Variants in KCNK2 observed in about 807,000 individuals in gnomAD.
KCNK2 encodes the protein potassium two pore domain channel subfamily K member 2, also known as potassium channel subfamily K member 2.
KCNK2 carries 21 observed loss-of-function variants against 40.5 expected under a neutral mutation model. The observed-to-expected ratio is 0.52, with a 90% CI of 0.37 to 0.75. KCNK2 has a LOEUF of 0.75. KCNK2 is among the 30% of genes least tolerant of loss of function. The pLI is 0.00. For synonymous variants in KCNK2, 191 were observed against 202.2 expected, an observed-to-expected ratio of 0.94 and a Z score of 0.47; for missense variants, 399 against 531.6, an observed-to-expected ratio of 0.75 and a Z score of 2.45.
chr1:215,157,587 T>A lies in KCNK2; in HGVS notation c.476-11612T>A, dbSNP rs559832255. 1.4e-4 allele frequency among the ~76,000 whole-genome samples: 21 copies of A among 152,358 alleles called. No homozygotes were observed. The South Asian group carries it at 3.7e-3, about 27-fold the overall frequency. ...TTCCTCAAGGGAAACATTTTGAGTA[T>A]GAATACCTTATTTTAAGAGTTAAAA... is the stretch of plus-strand genomic sequence containing the variant. On this transcript the variant is annotated intron_variant, in intron 3 of 6. Coordinates refer to ENST00000444842, the MANE Select transcript of KCNK2 (RefSeq NM_001017425.3).
chr1:215,172,238 T>G, intron 5 of KCNK2, 55 bp downstream of exon 5: 1 of 1,466,560 alleles, frequency 6.8e-7, no homozygotes, highest in South Asian at 1.3e-5. Flanking sequence ...ATTAGATAGA[T>G]TTTTCACTTA....
At chr1:215,187,549 A>AC (rs61344574) in intron 5 of KCNK2, among the ~76,000 whole-genome samples, 2,222 of 151,832 alleles carry the variant, frequency 0.015, 68 homozygotes, top group African/African-American at 0.051. Context: ...TAAAAAAAAA[A>AC]CACATAAAGT....
intron 1 of KCNK2, among the ~76,000 whole-genome samples, chr1:215,042,820 AT>A (rs1392887395): frequency 6.6e-6 from 1 of 152,066 alleles, no homozygotes; most frequent in Non-Finnish European, 1.5e-5. Flanking sequence ...CCTCCAGAAA[AT>A]TTTTTGCAAA....
At chr1:215,138,437 T>C (rs900753370) in intron 3 of KCNK2, among the ~76,000 whole-genome samples, 3 of 152,088 alleles carry the variant, frequency 2.0e-5, no homozygotes, top group Non-Finnish European at 2.9e-5. Flanking sequence ...ATCACTATAT[T>C]TTTAGAGGAA....
intron 1 of KCNK2, among the ~76,000 whole-genome samples, chr1:215,010,896 GTA>G (rs1656359800): frequency 7.4e-6 from 1 of 136,002 alleles, no homozygotes; most frequent in Non-Finnish European, 1.6e-5. Context: ...GTGTGTGTGT[GTA>G]TGTGTGTGTA....
chr1:215,021,537 C>CTTTT lies in KCNK2; in HGVS notation c.34+15605_34+15608dup, dbSNP rs538476962. Among the ~76,000 whole-genome samples, 159 of 96,330 alleles carry CTTTT rather than the reference C, an allele frequency of 1.7e-3. 17 individuals carry two copies. The highest frequency in any genetic ancestry group is 6.6e-3 in the African/African-American group (148 of 22,562). The allele number at this position is 96,330 out of a possible 152,430, so 63.2% of individuals were successfully genotyped here. On this transcript the variant is annotated intron_variant, in intron 1 of 6. Coordinates refer to the KCNK2 transcript ENST00000391895. ...TCTCTTCTGGAGCTGGGACAACCAT[C>CTTTT]TTTTTTTTTTTTTTTTTTTTTTTTT...
At chr1:215,026,806 G>T (rs1348173048) in intron 1 of KCNK2, among the ~76,000 whole-genome samples, 1 of 152,024 alleles carries the variant, frequency 6.6e-6, no homozygotes, top group East Asian at 1.9e-4. Flanking sequence ...TATTGAGAAT[G>T]ACATCATGTG....
In KCNK2 at chr1:215,235,555, A is replaced by AT. The variant is rs3838998; in HGVS notation, c.*420dup. ...TATGGACCATTTATGGATGACAACA[A>AT]TTTTTTTTTTGTAAATGACAAGAAA... is the stretch of plus-strand genomic sequence containing the variant. On this transcript the variant is annotated 3_prime_UTR_variant, in exon 7 of 7. Transcript: ENST00000444842. 28,329 of 153,902 alleles carry AT rather than the reference A, an allele frequency of 0.18. 3,061 individuals carry two copies. Among genetic ancestry groups the AT allele is most frequent in the South Asian group, 0.46 (2,212 of 4,840 alleles). The allele number at this position is 153,902 out of a possible 1,614,324, so 9.5% of individuals were successfully genotyped here. A position where few individuals can be genotyped will look rare whatever the true frequency, so the allele number is the denominator to read the frequency against.
intron 1 of KCNK2, among the ~76,000 whole-genome samples, chr1:215,071,325 G>T (rs150275914): frequency 6.6e-6 from 1 of 152,198 alleles, no homozygotes; most frequent in Non-Finnish European, 1.5e-5. Context: ...AGAGGGGTTT[G>T]CAGGGATGAT....
At chr1:215,035,647 A>T (rs1657358947) in intron 1 of KCNK2, among the ~76,000 whole-genome samples, 1 of 152,076 alleles carries the variant, frequency 6.6e-6, no homozygotes. Context: ...CACCTGTTGA[A>T]TGAAATCTTC....
intron 1 of KCNK2, among the ~76,000 whole-genome samples, chr1:215,044,150 A>G (rs967102589): frequency 1.3e-5 from 2 of 152,222 alleles, no homozygotes; most frequent in Non-Finnish European, 2.9e-5. Context: ...GAAAAGAACC[A>G]TATACTTTAA....
At chr1:215,213,200 C>T (rs915940264) in intron 6 of KCNK2, among the ~76,000 whole-genome samples, 5 of 152,186 alleles carry the variant, frequency 3.3e-5, no homozygotes, top group Non-Finnish European at 7.3e-5. Context: ...CACACACTTC[C>T]TGCAGTTCTT....
chr1:215,231,361 T>G (rs1203472359), intron 6 of KCNK2, among the ~76,000 whole-genome samples: 2 of 152,078 alleles, frequency 1.3e-5, no homozygotes, highest in Non-Finnish European at 1.5e-5. Flanking sequence ...TATTATGCAA[T>G]AAACGCATAA....
intron 1 of KCNK2, among the ~76,000 whole-genome samples, chr1:215,047,059 G>T (rs1165920083): frequency 2.0e-5 from 3 of 152,000 alleles, no homozygotes; most frequent in Non-Finnish European, 4.4e-5. Flanking sequence ...TTAAGAATGT[G>T]GCTCCTTTTT....
At chr1:215,079,325 T>A (rs557384596), upstream of KCNK2, among the ~76,000 whole-genome samples, 1 of 152,264 alleles carries the variant, frequency 6.6e-6, no homozygotes, top group East Asian at 1.9e-4. Context: ...GATTCACAGT[T>A]CTTCAGGCTG....
At chr1:215,127,433 A>G (rs919149406) in intron 3 of KCNK2, among the ~76,000 whole-genome samples, 2 of 152,216 alleles carry the variant, frequency 1.3e-5, no homozygotes, top group Admixed American at 6.5e-5. Flanking sequence ...TCTATTCCAT[A>G]GTTTCACAGA....
chr1:215,235,244 C>T lies in KCNK2; in HGVS notation c.*99C>T. On this transcript the variant is annotated 3_prime_UTR_variant, in exon 7 of 7. Transcript: ENST00000444842. ...GCATTTTTTAAATTGTGCATGAGCT[C>T]AAAGGGGGAACAAAATAGATACACC... 1.0e-6 allele frequency: 1 copy of T among 995,640 alleles called. No homozygotes were observed. Among genetic ancestry groups the T allele is most frequent in the Non-Finnish European group, 1.5e-6 (1 of 677,464 alleles). 61.7% of individuals were successfully genotyped at this position (995,640 alleles called of 1,614,324 possible).
At chr1:215,225,999 T>G (rs556754245) in intron 6 of KCNK2, among the ~76,000 whole-genome samples, 10 of 152,334 alleles carry the variant, frequency 6.6e-5, no homozygotes, top group Middle Eastern at 3.4e-3. Flanking sequence ...TTATCCTTCT[T>G]AGGCCACCCT....
intron 3 of KCNK2, among the ~76,000 whole-genome samples, chr1:215,137,222 A>ATCGTG (rs1271087074): frequency 9.9e-5 from 15 of 152,210 alleles, no homozygotes; most frequent in African/African-American, 3.1e-4. Context: ...ATCACTTAAC[A>ATCGTG]AGGTCAATAT....
Sources: gnomAD v4.1 joint callset for allele counts (sites outside exome capture counted in the v4.1 genomes callset) on GRCh38, gnomAD v4.1.1 for gene constraint, MANE v1.5 for transcripts, NCBI Gene and HGNC (gene_info 2026-07-23, HGNC 2026-07-21) for gene names.